Variants in ATP8A1 observed in about 807,000 individuals in gnomAD.
ATP8A1 encodes ATPase phospholipid transporting 8A1.
In ATP8A1, 90 loss-of-function variants were observed where a neutral mutation model predicts 177.7. The ratio of observed to expected loss-of-function variants is 0.51; its 90% confidence interval spans 0.43 to 0.60. The LOEUF (loss-of-function observed/expected upper bound fraction) is 0.60, where lower values mean the gene tolerates loss of function less well. Ranked by LOEUF, ATP8A1 falls within the 20% of genes least tolerant of loss-of-function variation. ATP8A1 has a pLI of 0.00. For missense variants in ATP8A1, 1,072 were observed against 1,392.8 expected, an observed-to-expected ratio of 0.77 and a Z score of 3.67; for synonymous variants, 493 against 485.9, an observed-to-expected ratio of 1.01 and a Z score of -0.19.
At chr4:42,525,719 C>T (rs1726606874) in intron 20 of ATP8A1, among the ~76,000 whole-genome samples, 1 of 151,908 alleles carries the variant, frequency 6.6e-6, no homozygotes, top group Non-Finnish European at 1.5e-5. Context: ...TTTTATTAGA[C>T]CAGGAAAAAA....
intron 4 of ATP8A1, 51 bp from the exon 5 acceptor site, chr4:42,616,129 T>C (rs1434700307): frequency 6.6e-7 from 1 of 1,511,354 alleles, no homozygotes; most frequent in Non-Finnish European, 9.1e-7. Flanking sequence ...ATAAGATTAC[T>C]AAAACAAGAG....
intron 15 of ATP8A1, among the ~76,000 whole-genome samples, chr4:42,558,566 A>G (rs984251216): frequency 6.6e-5 from 10 of 152,244 alleles, no homozygotes; most frequent in South Asian, 4.1e-4. Flanking sequence ...AAAATATTCA[A>G]AGAATATATG....
At chr4:42,533,152 A>G (rs1438666249) in intron 20 of ATP8A1, among the ~76,000 whole-genome samples, 1 of 152,198 alleles carries the variant, frequency 6.6e-6, no homozygotes, top group Non-Finnish European at 1.5e-5. Context: ...GAGAATCCAC[A>G]CTTTTTGAAG....
intron 33 of ATP8A1, among the ~76,000 whole-genome samples, chr4:42,431,507 TTTC>T (rs1467455591): frequency 1.3e-5 from 2 of 152,166 alleles, no homozygotes; most frequent in African/African-American, 4.8e-5. Flanking sequence ...ACTGGTAAGG[TTTC>T]TTCTTGTTGC....
rs1712312987 is a variant in ATP8A1 at position 42,409,238 on chromosome 4, G to A, written c.*3678C>T. 6.6e-6 allele frequency: 1 copy of A among 152,128 alleles called. No homozygotes were observed. Among genetic ancestry groups the A allele is most frequent in the Admixed American group, 6.6e-5 (1 of 15,266 alleles). 9.4% of individuals were successfully genotyped at this position (152,128 alleles called of 1,614,324 possible). ...CCATAAACCTATCAAAAACACAGCT[G>A]TTCTCATACAGAAAGTAAATCAAGA... is the stretch of plus-strand genomic sequence containing the variant. On this transcript the variant is annotated 3_prime_UTR_variant, in exon 37 of 37. Coordinates refer to ENST00000381668, the MANE Select transcript of ATP8A1 (RefSeq NM_006095.2).
chr4:42,491,425 A>T (rs1256612702), intron 24 of ATP8A1, among the ~76,000 whole-genome samples: 2 of 152,222 alleles, frequency 1.3e-5, no homozygotes, highest in Non-Finnish European at 2.9e-5. Flanking sequence ...ATGTAACAGC[A>T]ATCTTTGAGA....
In ATP8A1 at chr4:42,552,544, G is replaced by A. The variant is rs748628033; in HGVS notation, c.1480C>T (p.Arg494Ter). ...MAVCHTAVPEREGDKIIYQAA... is the reference protein window; with the variant it reads ...MAVCHTAVPE ...TGATAAATAATCTTGTCACCTTCTC[G>A]CTCTGGCACTGCTGTGTGACAGACT... The change falls in exon 17 of 37, where the codon CGA (arginine) becomes TGA (stop). Residue 494 changes from arginine (R) to a stop codon, truncating the protein, a stop_gained. Coordinates refer to ENST00000381668, the MANE Select transcript of ATP8A1 (RefSeq NM_006095.2). LOFTEE classifies it high-confidence loss of function. 6.2e-7 allele frequency: 1 copy of A among 1,612,926 alleles called. No individual in the cohort carries two copies. The highest frequency in any genetic ancestry group is 8.5e-7 in the Non-Finnish European group (1 of 1,179,602).
At chr4:42,549,444 G>GAA (rs60275335) in intron 18 of ATP8A1, among the ~76,000 whole-genome samples, 5 of 151,716 alleles carry the variant, frequency 3.3e-5, no homozygotes, top group Non-Finnish European at 7.4e-5. Flanking sequence ...TAATAGGGGG[G>GAA]AAAAAAGGGA....
chr4:42,530,398 A>T (rs1727142272), intron 20 of ATP8A1, among the ~76,000 whole-genome samples: 2 of 152,318 alleles, frequency 1.3e-5, no homozygotes, highest in Non-Finnish European at 2.9e-5. Context: ...CTTACTCTGG[A>T]TATGGGTTTG....
At chr4:42,454,448 A>C (rs1018978190) in intron 29 of ATP8A1, among the ~76,000 whole-genome samples, 7 of 152,232 alleles carry the variant, frequency 4.6e-5, no homozygotes, top group African/African-American at 1.7e-4. Flanking sequence ...CACTATATTA[A>C]ACAAAAACAA....
intron 20 of ATP8A1, among the ~76,000 whole-genome samples, chr4:42,533,902 G>T (rs888813613): frequency 6.6e-6 from 1 of 152,096 alleles, no homozygotes; most frequent in African/African-American, 2.4e-5. Context: ...CTGTGGGGTG[G>T]CTAGATCAAG....
chr4:42,637,623 T>A (rs955648088), intron 1 of ATP8A1, among the ~76,000 whole-genome samples: 2 of 152,226 alleles, frequency 1.3e-5, no homozygotes, highest in Non-Finnish European at 2.9e-5. Flanking sequence ...AGAGAGTCAC[T>A]GAGCACCAAA....
chr4:42,614,215 G>GCTACCACACA, intron 5 of ATP8A1, among the ~76,000 whole-genome samples: 1 of 152,106 alleles, frequency 6.6e-6, no homozygotes, highest in Non-Finnish European at 1.5e-5. Context: ...TGGAGCACCT[G>GCTACCACACA]TGTGGTAGCC....
At chr4:42,515,774 G>C (rs953257199) in intron 22 of ATP8A1, among the ~76,000 whole-genome samples, 4 of 152,176 alleles carry the variant, frequency 2.6e-5, no homozygotes, top group Non-Finnish European at 4.4e-5. Context: ...CTAGAGCCTA[G>C]AACAGAACCT....
At chr4:42,557,181 C>T (rs1019121657) in intron 15 of ATP8A1, among the ~76,000 whole-genome samples, 7 of 152,090 alleles carry the variant, frequency 4.6e-5, no homozygotes, top group African/African-American at 1.7e-4. Flanking sequence ...TAAGAAAATA[C>T]ATCTTTATTA....
chr4:42,549,388 G>A (rs1034000225), intron 18 of ATP8A1, among the ~76,000 whole-genome samples: 2 of 152,154 alleles, frequency 1.3e-5, no homozygotes, highest in Non-Finnish European at 2.9e-5. Flanking sequence ...TGGTGTGACT[G>A]TATTGAGAAA....
intron 21 of ATP8A1, among the ~76,000 whole-genome samples, chr4:42,523,706 C>G (rs1726381983): frequency 6.6e-6 from 1 of 152,090 alleles, no homozygotes; most frequent in African/African-American, 2.4e-5. Flanking sequence ...GAAAGATGCC[C>G]TCAGCTCTCC....
At chr4:42,537,889 T>C (rs1299080869) in intron 20 of ATP8A1, among the ~76,000 whole-genome samples, 1 of 152,130 alleles carries the variant, frequency 6.6e-6, no homozygotes, top group African/African-American at 2.4e-5. Context: ...CCACCATTCT[T>C]CACAATTAGA....
chr4:42,462,998 C>T (rs567529871), intron 27 of ATP8A1, among the ~76,000 whole-genome samples: 1 of 152,236 alleles, frequency 6.6e-6, no homozygotes, highest in Admixed American at 6.5e-5. Context: ...CTGTATTTAC[C>T]CATTGCTTGT....
Sources: gnomAD v4.1 joint callset for allele counts (sites outside exome capture counted in the v4.1 genomes callset) on GRCh38, gnomAD v4.1.1 for gene constraint, MANE v1.5 for transcripts, NCBI Gene and HGNC (gene_info 2026-07-23, HGNC 2026-07-21) for gene names.